The following FCHSD2 variants were observed in gnomAD, a reference collection of about 807,000 sequenced individuals.
The protein encoded by FCHSD2 is F-BAR and double SH3 domains protein 2.
Under a neutral mutation model 108.1 loss-of-function variants are expected in FCHSD2, and 38 were observed. That is an observed-to-expected ratio of 0.35 (90% confidence interval 0.27 to 0.46). The LOEUF (loss-of-function observed/expected upper bound fraction) is 0.46. FCHSD2 is among the 20% of genes least tolerant of loss of function. The pLI is 1.00. For synonymous variants in FCHSD2, 279 were observed against 314.7 expected, an observed-to-expected ratio of 0.89 and a Z score of 1.20; for missense variants, 751 against 897.8, an observed-to-expected ratio of 0.84 and a Z score of 2.09.
At chr11:73,031,296 G>A (rs1312486674) in intron 3 of FCHSD2, among the ~76,000 whole-genome samples, 4 of 152,028 alleles carry the variant, frequency 2.6e-5, no homozygotes, top group Non-Finnish European at 4.4e-5. Context: ...GCAACATAAC[G>A]AAACCCTGTC....
At chr11:73,126,394 A>AT (rs1314804314) in intron 2 of FCHSD2, among the ~76,000 whole-genome samples, 4 of 150,406 alleles carry the variant, frequency 2.7e-5, no homozygotes, top group African/African-American at 4.9e-5. Flanking sequence ...AAAGAAAGGA[A>AT]TACAGTAGTA....
At chr11:72,923,520 G>C (rs78061964) in intron 8 of FCHSD2, among the ~76,000 whole-genome samples, 1 of 151,860 alleles carries the variant, frequency 6.6e-6, no homozygotes, top group African/African-American at 2.4e-5. Context: ...GATTAGGAAC[G>C]GTATATCTTT....
rs372425489 is a variant in FCHSD2, at chr11:72,862,710, T to C, written c.1308+5155A>G. 1.7e-4 allele frequency among the ~76,000 whole-genome samples: 26 copies of C among 152,312 alleles called. No homozygotes were observed. In the East Asian group the frequency reaches 3.1e-3, roughly 18 times the overall value. On this transcript the variant is annotated intron_variant, in intron 13 of 19. Transcript: ENST00000409418. ...CTAATAAAAATCCTGATAGGCTTTT[T>C]GGGGTAGAAAACCAATTTTAAATTC...
intron 3 of FCHSD2, among the ~76,000 whole-genome samples, chr11:73,039,792 TTTAA>T (rs1858589708): frequency 2.0e-5 from 3 of 152,312 alleles, no homozygotes; most frequent in East Asian, 1.9e-4. Flanking sequence ...ACTTTAAGTG[TTTAA>T]TTATTCCACA....
At chr11:73,094,682 ATTTATAGCATGGG>A (rs1419221218) in intron 2 of FCHSD2, among the ~76,000 whole-genome samples, 1 of 152,202 alleles carries the variant, frequency 6.6e-6, no homozygotes, top group Non-Finnish European at 1.5e-5. Flanking sequence ...ATATAAAAAT[ATTTATAGCATGGG>A]CAGCAAACTT....
chr11:72,967,797 A>G (rs1856938879), intron 8 of FCHSD2, among the ~76,000 whole-genome samples: 1 of 152,166 alleles, frequency 6.6e-6, no homozygotes, highest in African/African-American at 2.4e-5. Context: ...TTTAAAAAGA[A>G]GTGGGCAGAG....
Position 73,093,608 on chromosome 11 carries a change from C to CT in FCHSD2, c.120-9869dup, listed in dbSNP as rs935084570. Among the ~76,000 whole-genome samples, 836 of 148,184 alleles carry CT rather than the reference C, an allele frequency of 5.6e-3. 6 individuals are homozygous for CT. Among genetic ancestry groups the CT allele is most frequent in the African/African-American group, 0.019 (770 of 40,450 alleles). On this transcript the variant is annotated intron_variant, in intron 2 of 19. Transcript: ENST00000409418. ...AGTGAGGATGGGGTATTGATGATTTCTTTTTTTTTTGAGACCGAGTTTCGC... is the reference window on the plus strand; with the variant it reads ...AGTGAGGATGGGGTATTGATGATTTCTTTTTTTTTTTGAGACCGAGTTTCGC...
At chr11:73,078,444 T>C (rs1859606122) in intron 3 of FCHSD2, among the ~76,000 whole-genome samples, 1 of 152,160 alleles carries the variant, frequency 6.6e-6, no homozygotes, top group Non-Finnish European at 1.5e-5. Flanking sequence ...ATAGGAATTT[T>C]CTCTATCAGT....
intron 3 of FCHSD2, among the ~76,000 whole-genome samples, chr11:73,070,756 T>G (rs1859418211): frequency 6.6e-6 from 1 of 151,726 alleles, no homozygotes; most frequent in Non-Finnish European, 1.5e-5. Flanking sequence ...AAAAAGAAAT[T>G]GAACAAGTTA....
intron 12 of FCHSD2, among the ~76,000 whole-genome samples, chr11:72,875,241 G>C (rs1270680457): frequency 2.6e-5 from 4 of 151,692 alleles, no homozygotes; most frequent in Non-Finnish European, 4.4e-5. Context: ...TCCATCTTTG[G>C]TACCTTAAAA....
chr11:72,944,351 G>A (rs919120000), intron 8 of FCHSD2, among the ~76,000 whole-genome samples: 10 of 151,960 alleles, frequency 6.6e-5, no homozygotes, highest in Admixed American at 4.6e-4. Context: ...ATTCAACAAC[G>A]CTTCATTCTA....
chr11:73,140,468 A>C lies in FCHSD2; in HGVS notation c.22-340T>G, dbSNP rs147997347. On this transcript the variant is annotated intron_variant, in intron 1 of 19. Coordinates refer to ENST00000409418, the MANE Select transcript of FCHSD2 (RefSeq NM_014824.3). ...AAGAGCCTGTCTTCTATTTCTAAAAAAGATTCAAAGACATTAACCACCAGG... is the reference window on the plus strand; with the variant it reads ...AAGAGCCTGTCTTCTATTTCTAAAACAGATTCAAAGACATTAACCACCAGG... Among the ~76,000 whole-genome samples, 1,209 of 152,356 alleles carry C rather than the reference A, an allele frequency of 7.9e-3. 20 individuals carry two copies. Among genetic ancestry groups the C allele is most frequent in the African/African-American group, 0.027 (1,133 of 41,574 alleles).
intron 3 of FCHSD2, among the ~76,000 whole-genome samples, chr11:73,038,257 G>A (rs1858546711): frequency 6.6e-6 from 1 of 151,694 alleles, no homozygotes; most frequent in African/African-American, 2.4e-5. Context: ...TGGGAAGATC[G>A]CTTGAGCCCA....
At chr11:73,134,464 T>C (rs1350149670) in intron 2 of FCHSD2, among the ~76,000 whole-genome samples, 2 of 151,836 alleles carry the variant, frequency 1.3e-5, no homozygotes, top group Non-Finnish European at 2.9e-5. Context: ...GGCGAGACCC[T>C]GTCTCAAAAA....
intron 14 of FCHSD2, among the ~76,000 whole-genome samples, chr11:72,846,758 C>T (rs1861156503): frequency 6.6e-6 from 1 of 152,124 alleles, no homozygotes; most frequent in African/African-American, 2.4e-5. Context: ...ATATGTTTTT[C>T]CTGATTATAT....
At chr11:72,845,062 G>A (rs1285999777) in intron 14 of FCHSD2, among the ~76,000 whole-genome samples, 3 of 152,126 alleles carry the variant, frequency 2.0e-5, no homozygotes, top group East Asian at 1.9e-4. Context: ...ACGACCAGAC[G>A]TTAATGTATG....
At chr11:73,102,440 G>A (rs528622406) in intron 2 of FCHSD2, among the ~76,000 whole-genome samples, 1 of 152,314 alleles carries the variant, frequency 6.6e-6, no homozygotes, top group South Asian at 2.1e-4. Flanking sequence ...TGTACAAAAT[G>A]TGTACAGCAG....
intron 4 of FCHSD2, among the ~76,000 whole-genome samples, chr11:73,004,988 ATCC>A (rs764277093): frequency 1.3e-5 from 2 of 152,158 alleles, no homozygotes; most frequent in Admixed American, 6.5e-5. Context: ...CATTATGCCA[ATCC>A]TCCTATTACT....
At chr11:73,029,917 A>G (rs985482407) in intron 3 of FCHSD2, among the ~76,000 whole-genome samples, 1 of 152,170 alleles carries the variant, frequency 6.6e-6, no homozygotes, top group Non-Finnish European at 1.5e-5. Flanking sequence ...GTTAATCAAA[A>G]ACAAAAGAAA....
Sources: gnomAD v4.1 joint callset for allele counts (sites outside exome capture counted in the v4.1 genomes callset) on GRCh38, gnomAD v4.1.1 for gene constraint, MANE v1.5 for transcripts, NCBI Gene and HGNC (gene_info 2026-07-23, HGNC 2026-07-21) for gene names.